ZNF385D: variants seen among roughly 807,000 people sequenced by gnomAD.
ZNF385D encodes the protein zinc finger protein 659.
ZNF385D carries 15 observed loss-of-function variants against 35.8 expected under a neutral mutation model. The ratio of observed to expected loss-of-function variants is 0.42; its 90% CI spans 0.28 to 0.64. The LOEUF (loss-of-function observed/expected upper bound fraction) is 0.64. Among genes scored for constraint, ZNF385D ranks in the 30% least tolerant of loss-of-function variants. The probability of loss-of-function intolerance (pLI) is 0.23; values close to 1 mark genes in which losing one functional copy is unlikely to be tolerated. For synonymous variants in ZNF385D, 212 were observed against 186.8 expected (o/e 1.13, Z -1.10); for missense variants, 474 against 494.6 (o/e 0.96, Z 0.39).
chr3:21,821,563 A>G (rs769821227), intron 3 of ZNF385D, among the ~76,000 whole-genome samples: 1 of 152,234 alleles, frequency 6.6e-6, no homozygotes, highest in Non-Finnish European at 1.5e-5. Flanking sequence ...TTGCATGCAC[A>G]TCTCACATCA....
intron 3 of ZNF385D, among the ~76,000 whole-genome samples, chr3:21,832,393 T>C (rs79140403): frequency 0.032 from 4,943 of 152,268 alleles, 276 homozygotes; most frequent in African/African-American, 0.11. Context: ...TTTAAACAAA[T>C]AATTTGAAAA....
At chr3:21,676,074 T>C (rs1205105163) in intron 1 of ZNF385D, among the ~76,000 whole-genome samples, 1 of 152,120 alleles carries the variant, frequency 6.6e-6, no homozygotes, top group Non-Finnish European at 1.5e-5. Context: ...CTAACTGTTG[T>C]TGGCATGTCA....
intron 3 of ZNF385D, among the ~76,000 whole-genome samples, chr3:21,959,700 T>C (rs1255169400): frequency 6.6e-6 from 1 of 152,186 alleles, no homozygotes; most frequent in Non-Finnish European, 1.5e-5. Context: ...ACCTTGGGCC[T>C]GTGAGGCTGT....
intron 3 of ZNF385D, among the ~76,000 whole-genome samples, chr3:22,166,038 T>C (rs1044176714): frequency 2.3e-5 from 3 of 132,018 alleles, no homozygotes; most frequent in African/African-American, 7.5e-5. Flanking sequence ...TAATTCCTAG[T>C]CACCAAGACT....
chr3:22,248,802 A>G (rs1230477371), intron 2 of ZNF385D, among the ~76,000 whole-genome samples: 1 of 152,144 alleles, frequency 6.6e-6, no homozygotes, highest in Non-Finnish European at 1.5e-5. Context: ...TTAATGCTGG[A>G]AAATGACTGC....
intron 3 of ZNF385D, among the ~76,000 whole-genome samples, chr3:21,793,914 G>A (rs531156213): frequency 3.9e-5 from 6 of 152,150 alleles, no homozygotes; most frequent in Non-Finnish European, 7.3e-5. Context: ...ACTGTCAAAT[G>A]ATGAACAGTA....
chr3:21,900,966 C>A (rs1699379815), intron 3 of ZNF385D, among the ~76,000 whole-genome samples: 1 of 152,138 alleles, frequency 6.6e-6, no homozygotes, highest in Admixed American at 6.5e-5. Context: ...AGAGGTAAAG[C>A]CACCAGCCAG....
intron 4 of ZNF385D, among the ~76,000 whole-genome samples, chr3:21,477,646 C>T (rs1351914530): frequency 6.6e-6 from 1 of 152,098 alleles, no homozygotes; most frequent in African/African-American, 2.4e-5. Context: ...GGACCTCCAT[C>T]CTCCCTATCT....
chr3:21,412,802 CTTA>C lies in ZNF385D; in HGVS notation c.*8409_*8411del, dbSNP rs1362128421. ...AATTTGTTCACAGCTGCAAGTTTAA[CTTA>C]GTACAGGACCACAGACAAGATAAAC... On this transcript the variant is annotated 3_prime_UTR_variant, in exon 8 of 8. Coordinates refer to ENST00000281523, the MANE Select transcript of ZNF385D (RefSeq NM_024697.3). 1 of 152,016 alleles carries C rather than the reference CTTA, an allele frequency of 6.6e-6. No homozygotes were observed. The highest frequency in any genetic ancestry group is 1.5e-5 in the Non-Finnish European group (1 of 67,970). The allele number at this position is 152,016 out of a possible 1,614,324, so 9.4% of individuals were successfully genotyped here.
At chr3:21,833,645 A>G (rs1047386691) in intron 3 of ZNF385D, among the ~76,000 whole-genome samples, 1 of 152,188 alleles carries the variant, frequency 6.6e-6, no homozygotes, top group Non-Finnish European at 1.5e-5. Flanking sequence ...TTCACTTTGG[A>G]ATAACTCATA....
intron 3 of ZNF385D, among the ~76,000 whole-genome samples, chr3:22,110,915 A>G (rs1702486728): frequency 6.6e-6 from 1 of 152,114 alleles, no homozygotes; most frequent in Non-Finnish European, 1.5e-5. Flanking sequence ...AGTCTTGAAT[A>G]TAAAGACAAG....
At chr3:22,039,891 T>A (rs1698560902) in intron 3 of ZNF385D, among the ~76,000 whole-genome samples, 1 of 152,172 alleles carries the variant, frequency 6.6e-6, no homozygotes, top group Admixed American at 6.5e-5. Context: ...CATTGACTGC[T>A]AGACTGCTGC....
intron 1 of ZNF385D, among the ~76,000 whole-genome samples, chr3:21,678,635 T>A (rs1459768907): frequency 3.3e-5 from 5 of 152,128 alleles, no homozygotes; most frequent in Admixed American, 1.3e-4. Context: ...GATTATTTTG[T>A]GCTTTTGAAC....
At chr3:21,987,621 T>C (rs1400823175) in intron 3 of ZNF385D, among the ~76,000 whole-genome samples, 2 of 137,952 alleles carry the variant, frequency 1.4e-5, no homozygotes, top group Non-Finnish European at 3.1e-5. Context: ...TCATTTCAAC[T>C]TTGGTGAATC....
chr3:22,280,717 C>T (rs949619247), intron 2 of ZNF385D, among the ~76,000 whole-genome samples: 1 of 151,974 alleles, frequency 6.6e-6, no homozygotes, highest in African/African-American at 2.4e-5. Context: ...CAGATTTGTT[C>T]TTCTTGCTTA....
intron 3 of ZNF385D, among the ~76,000 whole-genome samples, chr3:22,022,410 G>T (rs1697283551): frequency 6.6e-6 from 1 of 151,934 alleles, no homozygotes; most frequent in African/African-American, 2.4e-5. Context: ...TTTCAACTTG[G>T]AGTTATTCTA....
chr3:21,964,254 C>T (rs1051495472), intron 3 of ZNF385D, among the ~76,000 whole-genome samples: 1 of 151,076 alleles, frequency 6.6e-6, no homozygotes, highest in Non-Finnish European at 1.5e-5. Flanking sequence ...CTCCTTCATT[C>T]GCTAAAAACT....
At chr3:21,687,456 G>C (rs186197850) in intron 1 of ZNF385D, among the ~76,000 whole-genome samples, 2 of 152,180 alleles carry the variant, frequency 1.3e-5, no homozygotes, top group Non-Finnish European at 2.9e-5. Context: ...TATTGCACAG[G>C]AAAGCACAGC....
chr3:21,965,604 A>T (rs142810425), intron 3 of ZNF385D, among the ~76,000 whole-genome samples: 53 of 152,336 alleles, frequency 3.5e-4, no homozygotes, highest in African/African-American at 1.2e-3. Context: ...AATGCAGTAT[A>T]TGAGTCTAGA....
Sources: gnomAD v4.1 joint callset for allele counts (sites outside exome capture counted in the v4.1 genomes callset) on GRCh38, gnomAD v4.1.1 for gene constraint, MANE v1.5 for transcripts, NCBI Gene and HGNC (gene_info 2026-07-23, HGNC 2026-07-21) for gene names.